The following TFF2 variants were observed in gnomAD, a reference collection of about 807,000 sequenced individuals.
TFF2 encodes spasmolysin.
A neutral mutation model predicts 16.0 loss-of-function variants in TFF2; 19 were observed. That is an observed-to-expected ratio of 1.19 (90% confidence interval 0.83 to 1.74). TFF2 has a LOEUF of 1.74. Ranked by LOEUF, TFF2 falls within the 40% of genes most tolerant of loss-of-function variation. The pLI, the probability that TFF2 is intolerant of heterozygous loss-of-function variation, is 0.00. For synonymous variants in TFF2, 61 were observed against 65.4 expected (o/e 0.93, Z 0.32); for missense variants, 168 against 166.8 (o/e 1.01, Z -0.04).
chr21:42,347,390 C>A, intron 3 of TFF2, 96 bp downstream of exon 3: 1 of 1,541,236 alleles, frequency 6.5e-7, no homozygotes, highest in South Asian at 1.2e-5. Flanking sequence ...GGCACTGAGG[C>A]TGCGAGGCAG....
intron 3 of TFF2, among the ~76,000 whole-genome samples, chr21:42,346,973 G>T (rs2052073534): frequency 6.6e-6 from 1 of 152,222 alleles, no homozygotes; most frequent in African/African-American, 2.4e-5. Context: ...CACTAAGCGG[G>T]TGGGAGAAGT....
At chr21:42,348,514 G>A (rs565126955) in intron 2 of TFF2, among the ~76,000 whole-genome samples, 1 of 152,204 alleles carries the variant, frequency 6.6e-6, no homozygotes, top group Non-Finnish European at 1.5e-5. Context: ...AACTAACAGT[G>A]TAGAAACAGG....
intron 1 of TFF2, 39 bp downstream of exon 1, chr21:42,350,840 A>G: frequency 3.2e-6 from 5 of 1,564,818 alleles, no homozygotes; most frequent in Non-Finnish European, 4.3e-6. Flanking sequence ...TTTAAGAGAA[A>G]TAAAGAAAGC....
At chr21:42,346,617 G>T in intron 3 of TFF2, 71 bp from the exon 4 acceptor site, 7 of 1,508,504 alleles carry the variant, frequency 4.6e-6, no homozygotes, top group Non-Finnish European at 3.6e-6. Context: ...GCGAAGCTGG[G>T]GTGGGCGTGC....
chr21:42,350,100 T>C (rs2052104662), intron 1 of TFF2, 70 bp from the exon 2 acceptor site: 1 of 1,517,740 alleles, frequency 6.6e-7, no homozygotes, highest in South Asian at 1.2e-5. Flanking sequence ...TCAGAGGTTC[T>C]AGGGGATGCC....
intron 2 of TFF2, among the ~76,000 whole-genome samples, chr21:42,348,884 C>T (rs932258273): frequency 6.6e-6 from 1 of 151,954 alleles, no homozygotes. Flanking sequence ...CCAGACTAAC[C>T]AACCTGGGCT....
In TFF2 at chr21:42,350,947, C is replaced by T. The variant is rs2052112824; in HGVS notation, c.11G>A (p.Arg4Gln). The T allele has an allele frequency of 2.5e-6, 4 of 1,613,828 alleles. No homozygotes were observed. The highest frequency in any genetic ancestry group is 8.5e-7 in the Non-Finnish European group (1 of 1,179,928). The change falls in exon 1 of 4, where the codon CGA becomes CAA. Residue 4 changes from arginine to glutamine, a missense_variant. Transcript: ENST00000291526. Reference sequence around the variant, plus strand: ...GAGCGCTGCCAGGAGCTGGGCGTCTCGCCGTCCCATGTCTAGCTCAGCTGC... The same window carrying T: ...GAGCGCTGCCAGGAGCTGGGCGTCTTGCCGTCCCATGTCTAGCTCAGCTGC... MGR[R>Q]DAQLLAALLV...
chr21:42,349,846 A>G, intron 2 of TFF2, 35 bp downstream of exon 2: 1 of 1,555,890 alleles, frequency 6.4e-7, no homozygotes, highest in Non-Finnish European at 8.7e-7. Context: ...CTGGGTTGCC[A>G]GCTGCTGGCC....
intron 2 of TFF2, among the ~76,000 whole-genome samples, chr21:42,348,194 C>A (rs541452171): frequency 2.0e-5 from 3 of 151,250 alleles, no homozygotes; most frequent in African/African-American, 7.3e-5. Flanking sequence ...CCTGGTTCCA[C>A]GCACACAGGT....
chr21:42,346,567 TGGTTG>T (rs2052069897), intron 3 of TFF2, 21 bp from the exon 4 acceptor site: 1 of 1,592,176 alleles, frequency 6.3e-7, no homozygotes, highest in African/African-American at 1.4e-5. Flanking sequence ...AAATGCAAGA[TGGTTG>T]GTAAGGGAAC....
At chr21:42,347,656 C>T (rs1385409218) in intron 2 of TFF2, 24 bp from the exon 3 acceptor site, 1 of 1,611,606 alleles carries the variant, frequency 6.2e-7, no homozygotes. Context: ...GGCACAGCAC[C>T]GAGACCCAGT....
At chr21:42,346,637 C>T in intron 3 of TFF2, 91 bp from the exon 4 acceptor site, 4 of 1,386,522 alleles carry the variant, frequency 2.9e-6, no homozygotes, top group Non-Finnish European at 3.9e-6. Context: ...CATCACTTTG[C>T]CCAGGAGCTT....
At chr21:42,349,206 G>A (rs947527179) in intron 2 of TFF2, among the ~76,000 whole-genome samples, 2 of 149,594 alleles carry the variant, frequency 1.3e-5, no homozygotes, top group Non-Finnish European at 3.0e-5. Context: ...ACAAACCTAG[G>A]CTACTAGCCC....
At chr21:42,349,829 C>T in intron 2 of TFF2, 52 bp downstream of exon 2, 1 of 1,523,544 alleles carries the variant, frequency 6.6e-7, no homozygotes, top group South Asian at 1.2e-5. Flanking sequence ...GCCTGTGAAG[C>T]TGGGTCCTGG....
Position 42,346,681 on chromosome 21 carries a change from G to C in TFF2, c.377-135C>G, listed in dbSNP as rs2052071046. 9.2e-6 allele frequency: 9 copies of C among 983,256 alleles called. No homozygotes were observed. In the South Asian group the frequency reaches 1.6e-4, roughly 17 times the overall value. The allele number at this position is 983,256 out of a possible 1,614,324, so 60.9% of individuals were successfully genotyped here. ...AGAAGGAGCTCCTTTCCCGGGGAGG[G>C]GGTGTAAAGGGACCAAATCTTCCCA... is the stretch of plus-strand genomic sequence containing the variant. On this transcript the variant is annotated intron_variant, in intron 3 of 3. Transcript: ENST00000291526.
intron 2 of TFF2, 143 bp from the exon 3 acceptor site, chr21:42,347,775 C>T (rs145640183): frequency 2.8e-6 from 3 of 1,073,608 alleles, no homozygotes; most frequent in East Asian, 2.6e-5. Context: ...TCCCCCGGGA[C>T]GGCCTCCCCC....
intron 2 of TFF2, 43 bp downstream of exon 2, chr21:42,349,838 G>A: frequency 6.5e-7 from 1 of 1,542,664 alleles, no homozygotes; most frequent in Non-Finnish European, 8.8e-7. Context: ...GCTGGGTCCT[G>A]GGTTGCCAGC....
intron 3 of TFF2, 99 bp from the exon 4 acceptor site, chr21:42,346,645 C>T: frequency 7.5e-7 from 1 of 1,334,554 alleles, no homozygotes; most frequent in Non-Finnish European, 1.0e-6. Context: ...TGCCCAGGAG[C>T]TTCCTACTGA....
Position 42,350,930 on chromosome 21 carries a change from C to A in TFF2, c.28G>T (p.Ala10Ser). The A allele has an allele frequency of 6.2e-7, 1 of 1,613,948 alleles. No homozygotes were observed. The highest frequency in any genetic ancestry group is 8.5e-7 in the Non-Finnish European group (1 of 1,179,938). Residue 10 changes from alanine (A) to serine (S), a missense_variant, in exon 1 of 4, where the codon GCA becomes TCA. Transcript: ENST00000291526. ...CATAGCCCCAGGACGAGGAGCGCTG[C>A]CAGGAGCTGGGCGTCTCGCCGTCCC... The part of the protein sequence containing the change: MGRRDAQLL[A>S]ALLVLGLCAL...
Sources: allele counts gnomAD v4.1 joint callset (sites outside exome capture counted in the v4.1 genomes callset), GRCh38; gene constraint gnomAD v4.1.1; transcripts MANE v1.5; gene names NCBI Gene and HGNC (gene_info 2026-07-23, HGNC 2026-07-21).